NSD2: variants seen among roughly 807,000 people sequenced by gnomAD.
The protein encoded by NSD2 is histone-lysine N-methyltransferase NSD2.
Under a neutral mutation model 139.0 loss-of-function variants are expected in NSD2, and 12 were observed. The ratio of observed to expected loss-of-function variants is 0.09; its 90% CI spans 0.06 to 0.14. The LOEUF is 0.14. Among genes scored for constraint, NSD2 ranks in the 10% least tolerant of loss-of-function variants. NSD2 has a pLI of 1.00. For synonymous variants in NSD2, 669 were observed against 648.7 expected (o/e 1.03, Z -0.48); for missense variants, 1,155 against 1,745.0 (o/e 0.66, Z 6.02).
In NSD2 at chr4:1,979,559, C is replaced by T. The variant is rs1329638558; in HGVS notation, c.*650C>T. 1 of 232,838 alleles carries T rather than the reference C, an allele frequency of 4.3e-6. No homozygotes were observed. The highest frequency in any genetic ancestry group is 8.5e-6 in the Non-Finnish European group (1 of 117,892). The allele number at this position is 232,838 out of a possible 1,614,324, so 14.4% of individuals were successfully genotyped here. A position where few individuals can be genotyped will look rare whatever the true frequency, so the allele number is the denominator to read the frequency against. On this transcript the variant is annotated 3_prime_UTR_variant, in exon 22 of 22. Coordinates refer to ENST00000508803, the MANE Select transcript of NSD2 (RefSeq NM_001042424.3). ...AGATTTCCTCCCGTAGTTTTTTCTC[C>T]TCATGGATTTGAATGAAATGCCAAT... is the stretch of plus-strand genomic sequence containing the variant.
In NSD2 at chr4:1,900,825, G is replaced by A. The variant is rs1163564942; in HGVS notation, c.171G>A (p.Leu57=). The change falls in exon 2 of 22, where the codon CTG becomes CTA. Residue 57 remains leucine, a synonymous_variant. Transcript: ENST00000508803. ...FLSKAQLSSS[L]QEGVMQKFNG... ...GCAAAGCCCAGCTCTCCAGTAGCCT[G>A]CAGGAGGGGGTCATGCAGAAGTTTA... 1.2e-6 allele frequency: 2 copies of A among 1,614,074 alleles called. No homozygotes were observed. The highest frequency in any genetic ancestry group is 1.7e-6 in the Non-Finnish European group (2 of 1,179,976).
At position 1,976,698 on chromosome 4, in the gene NSD2, G is replaced by A. The variant is rs767179735; in HGVS notation, c.3826+19G>A. 2.0e-5 allele frequency: 31 copies of A among 1,550,874 alleles called. No individual in the cohort carries two copies. The East Asian group carries it at 4.8e-4, about 24-fold the overall frequency. Reference sequence around the variant, plus strand: ...CCCTTCGGTGGGTGTGCAGCCTCGCGGTGGCTTGCAGCTGTGTCTGTGTGG... The same window carrying A: ...CCCTTCGGTGGGTGTGCAGCCTCGCAGTGGCTTGCAGCTGTGTCTGTGTGG... On this transcript the variant is annotated intron_variant, in intron 21 of 21. Coordinates refer to ENST00000508803, the MANE Select transcript of NSD2 (RefSeq NM_001042424.3). This position sits in a 1 kb window ranked among gnomAD's most constrained non-coding sequence, Gnocchi z 5.3.
At chr4:1,915,646 C>G (rs1410511946) in intron 3 of NSD2, among the ~76,000 whole-genome samples, 3 of 152,174 alleles carry the variant, frequency 2.0e-5, no homozygotes, top group Admixed American at 6.5e-5. Context: ...GAGCACGACA[C>G]TTAGAGCTGC....
At chr4:1,944,689 T>G in intron 9 of NSD2, 1 of 1,064,480 alleles carries the variant, frequency 9.4e-7, no homozygotes, top group Non-Finnish European at 1.1e-6. Context: ...GCAATAGAGG[T>G]CCTGAATTGT....
intron 7 of NSD2, 34 bp from the exon 8 acceptor site, chr4:1,938,417 T>TTTTTTTTTTCTTTC: frequency 5.3e-6 from 1 of 190,424 alleles, no homozygotes; most frequent in Non-Finnish European, 9.0e-6. Flanking sequence ...TTTTTCTTTC[T>TTTTTTTTTTCTTTC]TTTTTTTTTT....
intron 9 of NSD2, chr4:1,945,042 G>C (rs1257106662): frequency 9.4e-7 from 1 of 1,065,992 alleles, no homozygotes; most frequent in African/African-American, 1.6e-5. Flanking sequence ...CAGAGTCCTT[G>C]GACAGGAGTC....
Position 1,948,016 on chromosome 4 carries a change from TATC to T in NSD2, c.1882-3052_1882-3050del. 1 of 1,056,290 alleles carries T rather than the reference TATC, an allele frequency of 9.5e-7. No homozygotes were observed. Among genetic ancestry groups the T allele is most frequent in the South Asian group, 4.6e-5 (1 of 21,904 alleles). 65.4% of individuals were successfully genotyped at this position (1,056,290 alleles called of 1,614,324 possible). On this transcript the variant is annotated intron_variant, in intron 9 of 21. Transcript: ENST00000508803. This position sits in a 1 kb window ranked among gnomAD's most constrained non-coding sequence, Gnocchi z 4.5. ...CACTAGGTTCCGTTATGTTTGGTAATATCATCTTGAAAAGTCCCTGTAATAGAT... is the reference window on the plus strand; with the variant it reads ...CACTAGGTTCCGTTATGTTTGGTAATATCTTGAAAAGTCCCTGTAATAGAT...
At chr4:1,943,728 A>G in intron 9 of NSD2, 1 of 1,056,246 alleles carries the variant, frequency 9.5e-7, no homozygotes, top group Non-Finnish European at 1.1e-6. Context: ...AAAATTCTCA[A>G]AAAAAAACCC....
chr4:1,939,413 G>A lies in NSD2; in HGVS notation c.1757-241G>A, dbSNP rs1355663677. ...GGACGTGGAACCAGGTATGGATAGA[G>A]CCACGCTGGCCCCAGGTTGATGTTT... On this transcript the variant is annotated intron_variant, in intron 8 of 21. Transcript: ENST00000508803. The A allele has an allele frequency of 5.6e-6, 3 of 538,872 alleles. No homozygotes were observed. The African/African-American group carries it at 5.7e-5, about 10-fold the overall frequency. 33.4% of individuals were successfully genotyped at this position (538,872 alleles called of 1,614,324 possible).
chr4:1,979,076 AGCAGCGTCC>A lies in NSD2; in HGVS notation c.*170_*178del. 1 of 839,628 alleles carries A rather than the reference AGCAGCGTCC, an allele frequency of 1.2e-6. No homozygotes were observed. The highest frequency in any genetic ancestry group is 1.7e-6 in the Non-Finnish European group (1 of 581,084). 52.0% of individuals were successfully genotyped at this position (839,628 alleles called of 1,614,324 possible). On this transcript the variant is annotated 3_prime_UTR_variant, in exon 22 of 22. Transcript: ENST00000508803. ...GCCTCCCCACCACTGAGCCATCCTCAGCAGCGTCCGCTGCGTCTGCACTGATGACCGTCT... is the reference window on the plus strand; with the variant it reads ...GCCTCCCCACCACTGAGCCATCCTCAGCTGCGTCTGCACTGATGACCGTCT...
chr4:1,976,187 TCAG>T lies in NSD2; in HGVS notation c.3622-284_3622-282del, dbSNP rs2109024225. ...TGGCCTCCTTTGCCAGTGGGTCCCA[TCAG>T]CAGATCCTGGAGCTGTGTGTCTGCT... On this transcript the variant is annotated intron_variant, in intron 20 of 21. Transcript: ENST00000508803. This position sits in a 1 kb window ranked among gnomAD's most constrained non-coding sequence, Gnocchi z 5.3. Among the ~76,000 whole-genome samples the T allele has an allele frequency of 6.6e-6, 1 of 152,272 alleles. No homozygotes were observed. Among genetic ancestry groups the T allele is most frequent in the Non-Finnish European group, 1.5e-5 (1 of 68,008 alleles).
At chr4:1,959,122 T>A (rs1337235532) in intron 16 of NSD2, among the ~76,000 whole-genome samples, 1 of 152,234 alleles carries the variant, frequency 6.6e-6, no homozygotes, top group East Asian at 1.9e-4. Context: ...CAGCGTTTGC[T>A]GGACACCCTG....
chr4:1,915,396 G>C (rs572431113), intron 3 of NSD2, among the ~76,000 whole-genome samples: 49 of 152,274 alleles, frequency 3.2e-4, no homozygotes, highest in Non-Finnish European at 4.4e-4. Flanking sequence ...TTACAGGCTT[G>C]AGCCACTGCA....
At chr4:1,904,620 T>G (rs940738504) in intron 3 of NSD2, among the ~76,000 whole-genome samples, 13 of 152,240 alleles carry the variant, frequency 8.5e-5, no homozygotes, top group African/African-American at 2.9e-4. Context: ...TTGTATAACT[T>G]CTGTTTTTAT....
chr4:1,938,976 A>T (rs1469515263), intron 8 of NSD2, among the ~76,000 whole-genome samples: 1 of 152,202 alleles, frequency 6.6e-6, no homozygotes, highest in East Asian at 1.9e-4. Context: ...TAAAACCTTT[A>T]TGAAAAATAA....
At chr4:1,971,733 C>T (rs1160833159) in intron 18 of NSD2, among the ~76,000 whole-genome samples, 1 of 152,130 alleles carries the variant, frequency 6.6e-6, no homozygotes, top group African/African-American at 2.4e-5. Context: ...AGAGCAGTTC[C>T]TTGTGACCGA....
chr4:1,934,864 AAAAAAAAAAAAAAAATAT>A (rs1347016709), intron 6 of NSD2, among the ~76,000 whole-genome samples: 4 of 95,094 alleles, frequency 4.2e-5, no homozygotes, highest in African/African-American at 1.8e-4. Context: ...AAAAAAAAAA[AAAAAAAAAAAAAAAATAT>A]ATATATATAT....
At chr4:1,924,961 T>C (rs1489810382) in intron 5 of NSD2, among the ~76,000 whole-genome samples, 3 of 152,174 alleles carry the variant, frequency 2.0e-5, no homozygotes, top group Admixed American at 2.0e-4. Flanking sequence ...TCTGTGTTAA[T>C]GTCCAACACT....
At chr4:1,879,329 C>T (rs951256519) in intron 1 of NSD2, among the ~76,000 whole-genome samples, 2 of 152,128 alleles carry the variant, frequency 1.3e-5, no homozygotes, top group African/African-American at 4.8e-5. Flanking sequence ...CACCATTCTC[C>T]TGCCTCAGCC....
Sources: allele counts gnomAD v4.1 joint callset (sites outside exome capture counted in the v4.1 genomes callset), GRCh38; gene constraint gnomAD v4.1.1; non-coding constraint Gnocchi (gnomAD v3.1); transcripts MANE v1.5; gene names NCBI Gene and HGNC (gene_info 2026-07-23, HGNC 2026-07-21).